The following MYO7B variants were observed in gnomAD, a reference collection of about 807,000 sequenced individuals.
The protein encoded by MYO7B is unconventional myosin-VIIb.
Under a neutral mutation model 259.7 loss-of-function variants are expected in MYO7B, and 212 were observed. The ratio of observed to expected loss-of-function variants is 0.82; its 90% confidence interval spans 0.73 to 0.91. The LOEUF (loss-of-function observed/expected upper bound fraction) is 0.91, where lower values mean the gene tolerates loss of function less well. Among genes scored for constraint, MYO7B ranks in the 40% least tolerant of loss-of-function variants. The probability of loss-of-function intolerance (pLI) is 0.00; values close to 1 mark genes in which losing one functional copy is unlikely to be tolerated. For missense variants in MYO7B, 2,732 were observed against 2,813.5 expected (o/e 0.97, Z 0.66); for synonymous variants, 1,197 against 1,166.4 (o/e 1.03, Z -0.54).
intron 24 of MYO7B, 122 bp downstream of exon 24, chr2:127,610,138 A>T: frequency 2.3e-6 from 3 of 1,308,036 alleles, no homozygotes; most frequent in Non-Finnish European, 3.1e-6. Flanking sequence ...CCTCAGCCTT[A>T]CCCATGGAAC....
chr2:127,576,529 C>A lies in MYO7B; in HGVS notation c.736-66C>A. 1 of 1,033,502 alleles carries A rather than the reference C, an allele frequency of 9.7e-7. No individual in the cohort carries two copies. The highest frequency in any genetic ancestry group is 1.4e-6 in the Non-Finnish European group (1 of 708,726). The allele number at this position is 1,033,502 out of a possible 1,614,324, so 64.0% of individuals were successfully genotyped here. On this transcript the variant is annotated intron_variant, in intron 7 of 47. Coordinates refer to ENST00000409816, the MANE Select transcript of MYO7B (RefSeq NM_001393586.1). This position sits in a 1 kb window ranked among gnomAD's most constrained non-coding sequence, Gnocchi z 4.9. The stretch of plus-strand genomic sequence containing the variant: ...CAGGGCTGGGCTGGGCAGAGGCAGT[C>A]TGAGGCCCTGAGGCCTCAGGGGAAT...
At chr2:127,574,222 G>A (rs768516348) in intron 7 of MYO7B, among the ~76,000 whole-genome samples, 160 bp downstream of exon 7, 3 of 152,142 alleles carry the variant, frequency 2.0e-5, no homozygotes, top group Non-Finnish European at 4.4e-5. Flanking sequence ...AGTATTCCAG[G>A]ACAGCAAATG....
At position 127,607,453 on chromosome 2, in the gene MYO7B, G is replaced by T. The variant is rs1017788994; in HGVS notation, c.2643+29G>T. The stretch of plus-strand genomic sequence containing the variant: ...GGTGGTCACCTGGCCTCTTGGGCAG[G>T]TGGGGCTGGCTGGGGCCCCAGTGGG... On this transcript the variant is annotated intron_variant, in intron 21 of 47. Coordinates refer to ENST00000409816, the MANE Select transcript of MYO7B (RefSeq NM_001393586.1). The surrounding 1 kb of genome is among the most constrained non-coding windows in gnomAD (Gnocchi z 4.4). 1.3e-6 allele frequency: 2 copies of T among 1,547,074 alleles called. No homozygotes were observed. Among genetic ancestry groups the T allele is most frequent in the South Asian group, 1.2e-5 (1 of 83,598 alleles).
chr2:127,616,963 G>A (rs749364479), intron 26 of MYO7B, among the ~76,000 whole-genome samples: 6 of 152,116 alleles, frequency 3.9e-5, no homozygotes, highest in East Asian at 1.9e-4. Context: ...GAGGTCTGGC[G>A]GTGTTCTTTT....
In MYO7B at chr2:127,559,860, G is replaced by C. The variant is rs1677997360; in HGVS notation, c.18+120G>C. The C allele has an allele frequency of 8.3e-7, 1 of 1,198,080 alleles. No individual in the cohort carries two copies. 74.2% of individuals were successfully genotyped at this position (1,198,080 alleles called of 1,614,324 possible). On this transcript the variant is annotated intron_variant, in intron 2 of 47. Coordinates refer to ENST00000409816, the MANE Select transcript of MYO7B (RefSeq NM_001393586.1). The surrounding 1 kb of genome is among the most constrained non-coding windows in gnomAD (Gnocchi z 4.1). ...ACCCTATAGGAAAATACCAGAGACA[G>C]GGGAGTTTAGGAAACACGACAGATT...
chr2:127,537,394 G>A (rs568970501), intron 1 of MYO7B, among the ~76,000 whole-genome samples: 1 of 152,196 alleles, frequency 6.6e-6, no homozygotes, highest in East Asian at 1.9e-4. Context: ...TTGTGTAGGA[G>A]CTCAGACAAA....
Position 127,582,024 on chromosome 2 carries a change from A to C in MYO7B, c.1200+14A>C, listed in dbSNP as rs746288057. ...GCCTTTGTCAAGGTACAGAGCTGAG[A>C]GAGCAGGGCTTACATGGCCATCTGT... On this transcript the variant is annotated intron_variant, in intron 11 of 47. Transcript: ENST00000409816. 1 of 1,613,514 alleles carries C rather than the reference A, an allele frequency of 6.2e-7. No individual in the cohort carries two copies. The highest frequency in any genetic ancestry group is 1.1e-5 in the South Asian group (1 of 91,078).
Position 127,608,763 on chromosome 2 carries a change from A to C in MYO7B, c.2699A>C (p.Lys900Thr), listed in dbSNP as rs746872493. The C allele has an allele frequency of 3.7e-6, 6 of 1,613,492 alleles. No homozygotes were observed. The highest frequency in any genetic ancestry group is 4.2e-6 in the Non-Finnish European group (5 of 1,179,788). Residue 900 changes from lysine (K) to threonine (T), a missense_variant, in exon 22 of 48, where the codon AAG becomes ACG. Lys to Thr is a moderately conservative substitution (Grantham distance 78). Around this residue, in one of 3 missense-constraint regions of MYO7B, gnomAD observed 1,906 missense variants for 2,026.4 expected, o/e 0.94. Transcript: ENST00000409816. ...GQKSQGALPA[K>T]KRRSIYDTVT... The stretch of plus-strand genomic sequence containing the variant: ...AAAAGCCAAGGCGCTCTCCCTGCCA[A>C]GAAGCGCAGATCCATCTACGACACC...
intron 17 of MYO7B, 141 bp from the exon 18 acceptor site, chr2:127,593,405 G>C (rs953285382): frequency 2.1e-5 from 16 of 775,776 alleles, no homozygotes; most frequent in Middle Eastern, 3.7e-4. Context: ...CGAGGTTCCC[G>C]TTGTGCCTGT....
chr2:127,571,461 CTTGTTTGTTTT>C (rs1678620147), intron 6 of MYO7B, among the ~76,000 whole-genome samples: 1 of 37,426 alleles, frequency 2.7e-5, no homozygotes, highest in Non-Finnish European at 5.1e-5. Flanking sequence ...TTTTTTTTTG[CTTGTTTGTTTT>C]TTGTTTGTTT....
In MYO7B at chr2:127,592,431, A is replaced by T. The variant is rs184319697; in HGVS notation, c.1993-363A>T. On this transcript the variant is annotated intron_variant, in intron 16 of 47. Coordinates refer to ENST00000409816, the MANE Select transcript of MYO7B (RefSeq NM_001393586.1). ...TAAATAAAATTTAAAAAATTTTTTT[A>T]AAAAAAGCATTTTAAACTGGGCATG... Among the ~76,000 whole-genome samples the T allele has an allele frequency of 2.8e-3, 431 of 152,252 alleles. 4 individuals carry two copies. Among genetic ancestry groups the T allele is most frequent in the African/African-American group, 9.2e-3 (381 of 41,542 alleles).
At chr2:127,545,201 A>G (rs773458466) in intron 1 of MYO7B, among the ~76,000 whole-genome samples, 2 of 152,242 alleles carry the variant, frequency 1.3e-5, no homozygotes, top group Non-Finnish European at 2.9e-5. Context: ...GTATATTTGC[A>G]GGGTATGTTG....
At chr2:127,578,512 C>G (rs535451958) in intron 9 of MYO7B, among the ~76,000 whole-genome samples, 1 of 152,278 alleles carries the variant, frequency 6.6e-6, no homozygotes, top group East Asian at 1.9e-4. Flanking sequence ...AATCATCCCC[C>G]ACTTTTAGCT....
In MYO7B at chr2:127,625,524, G is replaced by T; in HGVS notation, c.4204G>T (p.Ala1402Ser). 1.2e-6 allele frequency: 2 copies of T among 1,601,022 alleles called. No individual in the cohort carries two copies. Among genetic ancestry groups the T allele is most frequent in the African/African-American group, 1.3e-5 (1 of 74,644 alleles). Residue 1402 changes from alanine (A) to serine (S), a missense_variant, in exon 31 of 48, where the codon GCC (alanine) becomes TCC (serine). Coordinates refer to ENST00000409816, the MANE Select transcript of MYO7B (RefSeq NM_001393586.1). ...CAGGTGGGCGAGCCTCGTCACTGCCGCCTGCGCCAAGGTCAGCCTGCATGC... is the reference window on the plus strand; with the variant it reads ...CAGGTGGGCGAGCCTCGTCACTGCCTCCTGCGCCAAGGTCAGCCTGCATGC... ...PDRWASLVTA[A>S]CAKAPYTQKQ...
intron 9 of MYO7B, among the ~76,000 whole-genome samples, chr2:127,579,255 G>C (rs995846663): frequency 6.6e-6 from 1 of 152,194 alleles, no homozygotes; most frequent in Non-Finnish European, 1.5e-5. Context: ...TGAAGAGATA[G>C]GGCTGGTTCC....
chr2:127,627,449 C>A lies in MYO7B; in HGVS notation c.4460+139C>A, dbSNP rs1457979705. On this transcript the variant is annotated intron_variant, in intron 33 of 47. Transcript: ENST00000409816. This position sits in a 1 kb window ranked among gnomAD's most constrained non-coding sequence, Gnocchi z 5.6. ...GTGGAGGGACAAGAATCTACGTATG[C>A]GATGGCTTCTGTACTTCGGAGCCCC... The A allele has an allele frequency of 2.5e-6, 3 of 1,193,232 alleles. No individual in the cohort carries two copies. Among genetic ancestry groups the A allele is most frequent in the East Asian group, 2.5e-5 (1 of 39,316 alleles). The allele number at this position is 1,193,232 out of a possible 1,614,324, so 73.9% of individuals were successfully genotyped here. A position where few individuals can be genotyped will look rare whatever the true frequency, so the allele number is the denominator to read the frequency against.
In MYO7B at chr2:127,586,106, T is replaced by C. The variant is rs568017108; in HGVS notation, c.1690+1193T>C. On this transcript the variant is annotated intron_variant, in intron 14 of 47. Coordinates refer to ENST00000409816, the MANE Select transcript of MYO7B (RefSeq NM_001393586.1). The surrounding 1 kb of genome is among the most constrained non-coding windows in gnomAD (Gnocchi z 4.8). Reference sequence around the variant, plus strand: ...ATCTATTTTCCTTTCTTTGCTTGTGTCATATCTAAGAGTCCAGGGTCAAAT... The same window carrying C: ...ATCTATTTTCCTTTCTTTGCTTGTGCCATATCTAAGAGTCCAGGGTCAAAT... Among the ~76,000 whole-genome samples, 1 of 152,356 alleles carries C rather than the reference T, an allele frequency of 6.6e-6. No homozygotes were observed. Among genetic ancestry groups the C allele is most frequent in the Non-Finnish European group, 1.5e-5 (1 of 68,038 alleles).
chr2:127,588,410 G>C lies in MYO7B; in HGVS notation c.1709G>C (p.Arg570Pro), dbSNP rs371153674. 2 of 1,612,744 alleles carry C rather than the reference G, an allele frequency of 1.2e-6. No individual in the cohort carries two copies. The highest frequency in any genetic ancestry group is 2.7e-5 in the African/African-American group (2 of 74,928). Reference sequence around the variant, plus strand: ...TCCACAGGCTTCCTGGAGAAGAACCGAGACGTGCTGAGCACAGATATCCTC... The same window carrying C: ...TCCACAGGCTTCCTGGAGAAGAACCCAGACGTGCTGAGCACAGATATCCTC... Reference protein sequence around the residue: ...YQAEGFLEKNRDVLSTDILTL... With the variant: ...YQAEGFLEKNPDVLSTDILTL... The change falls in exon 15 of 48, where the codon CGA (arginine) becomes CCA (proline). Residue 570 changes from arginine (R) to proline (P), a missense_variant. Arg to Pro is a moderately radical substitution (Grantham distance 103). Coordinates refer to ENST00000409816, the MANE Select transcript of MYO7B (RefSeq NM_001393586.1).
rs1253675065 is a variant in MYO7B at position 127,560,309 on chromosome 2, T to C, written c.18+569T>C. Among the ~76,000 whole-genome samples the C allele has an allele frequency of 2.0e-5, 3 of 152,144 alleles. No homozygotes were observed. In the East Asian group the frequency reaches 5.8e-4, roughly 29 times the overall value. On this transcript the variant is annotated intron_variant, in intron 2 of 47. Coordinates refer to ENST00000409816, the MANE Select transcript of MYO7B (RefSeq NM_001393586.1). ...CCCAAAGTGCTGGGTGTGAGCCACC[T>C]TGCCCAGCCAACAAAGGGATTTCCC...
Sources: allele counts gnomAD v4.1 joint callset (sites outside exome capture counted in the v4.1 genomes callset), GRCh38; gene constraint gnomAD v4.1.1; regional missense constraint gnomAD v4.1.1; non-coding constraint Gnocchi (gnomAD v3.1); transcripts MANE v1.5; gene names NCBI Gene and HGNC (gene_info 2026-07-23, HGNC 2026-07-21).